Variants in THRB observed in about 807,000 individuals in gnomAD.
THRB encodes nuclear receptor subfamily 1 group A member 2.
THRB carries 12 observed loss-of-function variants against 47.8 expected under a neutral mutation model. The observed-to-expected ratio is 0.25, with a 90% CI of 0.16 to 0.41. The LOEUF (loss-of-function observed/expected upper bound fraction) is 0.41. Ranked by LOEUF, THRB falls within the 10% of genes least tolerant of loss-of-function variation. The probability of loss-of-function intolerance (pLI) is 1.00; values close to 1 mark genes in which losing one functional copy is unlikely to be tolerated. For missense variants in THRB, 348 were observed against 589.2 expected (o/e 0.59, Z 4.24); for synonymous variants, 218 against 212.2 (o/e 1.03, Z -0.24).
chr3:24,398,419 A>G (rs2067137435), intron 1 of THRB, among the ~76,000 whole-genome samples: 1 of 152,240 alleles, frequency 6.6e-6, no homozygotes, highest in African/African-American at 2.4e-5. Flanking sequence ...TGGGCGAAGG[A>G]TATGAACAGA....
chr3:24,300,890 C>A (rs748830505), intron 2 of THRB, among the ~76,000 whole-genome samples: 2 of 152,064 alleles, frequency 1.3e-5, no homozygotes, highest in Non-Finnish European at 2.9e-5. Flanking sequence ...ATGTGGTAAT[C>A]CCCCAAAACT....
intron 1 of THRB, among the ~76,000 whole-genome samples, chr3:24,435,446 A>G (rs763079190): frequency 1.6e-4 from 24 of 152,130 alleles, no homozygotes; most frequent in Non-Finnish European, 2.8e-4. Context: ...ATGTGGCAAT[A>G]TGGTCCGGTA....
chr3:24,191,298 AAAC>A (rs1335821180), intron 4 of THRB, among the ~76,000 whole-genome samples: 3 of 152,066 alleles, frequency 2.0e-5, no homozygotes, highest in Non-Finnish European at 4.4e-5. Flanking sequence ...CACATTAAAA[AAAC>A]AATCCATCTG....
chr3:24,272,708 A>G (rs947289275), intron 3 of THRB, among the ~76,000 whole-genome samples: 9 of 152,128 alleles, frequency 5.9e-5, no homozygotes, highest in African/African-American at 2.2e-4. Context: ...CAATTACACT[A>G]GTTTCTTTTT....
intron 3 of THRB, among the ~76,000 whole-genome samples, chr3:24,274,125 C>T (rs979140697): frequency 6.6e-6 from 1 of 152,034 alleles, no homozygotes; most frequent in Non-Finnish European, 1.5e-5. Context: ...AAACTTGTTG[C>T]CTAGACATTC....
At chr3:24,264,722 A>G (rs1323578180) in intron 3 of THRB, among the ~76,000 whole-genome samples, 1 of 152,198 alleles carries the variant, frequency 6.6e-6, no homozygotes, top group Non-Finnish European at 1.5e-5. Context: ...TTAATCAAAA[A>G]AAGAATAAAC....
At chr3:24,243,688 G>A (rs113683388) in intron 3 of THRB, among the ~76,000 whole-genome samples, 2 of 151,998 alleles carry the variant, frequency 1.3e-5, no homozygotes, top group Admixed American at 6.5e-5. Context: ...CTTTTAACAT[G>A]CTGTACATTT....
Position 24,183,471 on chromosome 3 carries a change from G to A in THRB, c.283+6603C>T, listed in dbSNP as rs141340276. Among the ~76,000 whole-genome samples, 1,189 of 149,010 alleles carry A rather than the reference G, an allele frequency of 8.0e-3. 14 individuals are homozygous for A. Among genetic ancestry groups the A allele is most frequent in the African/African-American group, 0.026 (1,059 of 40,416 alleles). ...AACCTCTGCCTCCTGGGTTCCAAGC[G>A]CTTCTCCTGCCTCGGCCTCCTGAGT... On this transcript the variant is annotated intron_variant, in intron 5 of 10. Transcript: ENST00000646209.
At chr3:24,200,669 T>C (rs1005421633) in intron 4 of THRB, among the ~76,000 whole-genome samples, 1 of 152,208 alleles carries the variant, frequency 6.6e-6, no homozygotes, top group Non-Finnish European at 1.5e-5. Flanking sequence ...ATTTTCAATT[T>C]TTATGTGTAA....
chr3:24,274,962 T>A lies in THRB; in HGVS notation c.-43+22264A>T, dbSNP rs138971055. The stretch of plus-strand genomic sequence containing the variant: ...CTGAACTCTAAATTATGTGTATGTA[T>A]GAGAATTTGTGCATTCATCTATTTT... On this transcript the variant is annotated intron_variant, in intron 3 of 10. Coordinates refer to ENST00000646209, the MANE Select transcript of THRB (RefSeq NM_001354712.2). Among the ~76,000 whole-genome samples the A allele has an allele frequency of 1.7e-3, 265 of 152,318 alleles. 1 individual carries two copies. Among genetic ancestry groups the A allele is most frequent in the African/African-American group, 6.0e-3 (251 of 41,574 alleles).
At chr3:24,240,729 C>T (rs1449872) in intron 3 of THRB, among the ~76,000 whole-genome samples, 20,172 of 152,134 alleles carry the variant, frequency 0.13, 1,537 homozygotes, top group Middle Eastern at 0.23. Context: ...AATTGCTGGG[C>T]TCCATTCCCA....
At chr3:24,245,626 G>A (rs899893741) in intron 3 of THRB, among the ~76,000 whole-genome samples, 2 of 152,024 alleles carry the variant, frequency 1.3e-5, no homozygotes, top group Non-Finnish European at 2.9e-5. Context: ...ATAAACTGAG[G>A]GCCTGGTCAG....
rs570826436 is a variant in THRB, at chr3:24,438,422, C to G, written c.-261+56230G>C. 2.0e-5 allele frequency among the ~76,000 whole-genome samples: 3 copies of G among 152,170 alleles called. No homozygotes were observed. The South Asian group carries it at 6.2e-4, about 32-fold the overall frequency. ...TTTCTAACCTGAAAAGCCCCTAGAA[C>G]ACTGTTGCTAGATATGAGATGACGC... On this transcript the variant is annotated intron_variant, in intron 1 of 10. Transcript: ENST00000646209.
intron 3 of THRB, among the ~76,000 whole-genome samples, chr3:24,286,696 A>G (rs1196885344): frequency 6.6e-6 from 1 of 152,228 alleles, no homozygotes; most frequent in Non-Finnish European, 1.5e-5. Context: ...TTCAAAGCCC[A>G]GTAACCATAG....
intron 1 of THRB, among the ~76,000 whole-genome samples, chr3:24,352,537 C>T (rs1028437193): frequency 6.6e-6 from 1 of 152,154 alleles, no homozygotes; most frequent in Non-Finnish European, 1.5e-5. Context: ...CAGATGTCTA[C>T]AGGAACATTT....
chr3:24,369,214 A>G (rs1450634787), intron 1 of THRB, among the ~76,000 whole-genome samples: 2 of 152,112 alleles, frequency 1.3e-5, no homozygotes, highest in African/African-American at 4.8e-5. Context: ...AGAAGTAAAA[A>G]GGTGGAGACA....
intron 2 of THRB, among the ~76,000 whole-genome samples, chr3:24,300,536 C>T (rs1441981258): frequency 1.3e-5 from 2 of 152,110 alleles, no homozygotes; most frequent in Non-Finnish European, 1.5e-5. Flanking sequence ...CATATCAATG[C>T]TTTTATTTTT....
At chr3:24,427,429 C>T (rs937260511) in intron 1 of THRB, among the ~76,000 whole-genome samples, 12 of 152,010 alleles carry the variant, frequency 7.9e-5, no homozygotes, top group African/African-American at 2.7e-4. Flanking sequence ...GTAAACCTCT[C>T]CCTTCCAGCT....
rs1292432081 is a variant in THRB at position 24,277,413 on chromosome 3, T to C, written c.-43+19813A>G. ...AAAATACAGTGTACATCAGAATCAC[T>C]TGGAGAGCTTGTAGAAACCCACGTC... On this transcript the variant is annotated intron_variant, in intron 3 of 10. Transcript: ENST00000646209. 5.9e-5 allele frequency among the ~76,000 whole-genome samples: 9 copies of C among 152,172 alleles called. No individual in the cohort carries two copies. In the East Asian group the frequency reaches 1.3e-3, roughly 23 times the overall value.
Sources: allele counts gnomAD v4.1 joint callset (sites outside exome capture counted in the v4.1 genomes callset), GRCh38; gene constraint gnomAD v4.1.1; transcripts MANE v1.5; gene names NCBI Gene and HGNC (gene_info 2026-07-23, HGNC 2026-07-21).